Variants in COL28A1 observed in about 807,000 individuals in gnomAD.
COL28A1 encodes the protein collagen alpha-1(XXVIII) chain.
A neutral mutation model predicts 150.2 loss-of-function variants in COL28A1; 161 were observed. The ratio of observed to expected loss-of-function variants is 1.07; its 90% CI spans 0.94 to 1.22. COL28A1 has a LOEUF of 1.22. COL28A1 is among the 50% of genes most tolerant of loss of function. COL28A1 has a pLI of 0.00. For synonymous variants in COL28A1, 552 were observed against 469.7 expected (o/e 1.18, Z -2.26); for missense variants, 1,617 against 1,388.3 (o/e 1.16, Z -2.62).
intron 27 of COL28A1, among the ~76,000 whole-genome samples, chr7:7,401,077 C>G (rs1473456921): frequency 6.9e-6 from 1 of 145,922 alleles, no homozygotes; most frequent in Non-Finnish European, 1.5e-5. Context: ...ATCTAATGAT[C>G]ATGTTTCAGT....
chr7:7,443,239 T>C (rs17518633), intron 20 of COL28A1, among the ~76,000 whole-genome samples: 7,175 of 152,276 alleles, frequency 0.047, 216 homozygotes, highest in South Asian at 0.075. Context: ...TATTTCTTAT[T>C]GCATGAGATT....
intron 15 of COL28A1, among the ~76,000 whole-genome samples, chr7:7,462,733 C>A (rs1269284237): frequency 6.6e-6 from 1 of 152,054 alleles, no homozygotes; most frequent in Non-Finnish European, 1.5e-5. Context: ...GTGGCACATG[C>A]CTGTAATCCC....
intron 15 of COL28A1, among the ~76,000 whole-genome samples, chr7:7,463,181 A>G (rs1337032737): frequency 6.6e-6 from 1 of 152,196 alleles, no homozygotes; most frequent in Admixed American, 6.5e-5. Context: ...AAGCTCAAAG[A>G]ACACCTGGGA....
chr7:7,526,634 CT>C (rs554173744), intron 3 of COL28A1, among the ~76,000 whole-genome samples: 81 of 150,176 alleles, frequency 5.4e-4, no homozygotes, highest in Non-Finnish European at 6.8e-4. Context: ...TGAGCAATAT[CT>C]TTTTTTTTTC....
intron 15 of COL28A1, among the ~76,000 whole-genome samples, chr7:7,460,257 G>A (rs1443227059): frequency 6.6e-6 from 1 of 152,168 alleles, no homozygotes; most frequent in African/African-American, 2.4e-5. Context: ...GGTCCTTGCT[G>A]GAGGGCATCA....
At chr7:7,345,314 C>T in the COL28A1 span, among the ~76,000 whole-genome samples, 1 of 151,898 alleles carries the variant, frequency 6.6e-6, no homozygotes, top group Admixed American at 6.6e-5. Context: ...ATAATGGAAA[C>T]CTATTCAAGG....
chr7:7,481,580 C>T (rs935292970), intron 13 of COL28A1, among the ~76,000 whole-genome samples: 7 of 152,126 alleles, frequency 4.6e-5, no homozygotes, highest in Non-Finnish European at 1.0e-4. Flanking sequence ...TGGCTTCTAA[C>T]GAACACCTCT....
intron 8 of COL28A1, among the ~76,000 whole-genome samples, chr7:7,511,350 A>G (rs998307886): frequency 2.6e-5 from 4 of 152,208 alleles, no homozygotes; most frequent in African/African-American, 7.2e-5. Flanking sequence ...ACAGGAATAA[A>G]TCAGGAACAA....
Position 7,419,889 on chromosome 7 carries a change from G to A in COL28A1, c.2063C>T (p.Pro688Leu). The change falls in exon 26 of 35, where the codon CCA becomes CTA. Residue 688 changes from proline (P) to leucine (L), a missense_variant. Transcript: ENST00000399429. ...SGPRGVGTQG[P>L]KGDTGQKGLP... ...AGCACTGAGCTGAGGACTCACCTTT[G>A]GCCCTTGGGTTCCTACGCCCCGAGG... The A allele has an allele frequency of 6.3e-7, 1 of 1,596,382 alleles. No individual in the cohort carries two copies. The highest frequency in any genetic ancestry group is 8.5e-7 in the Non-Finnish European group (1 of 1,172,282).
chr7:7,456,078 A>G lies in COL28A1; in HGVS notation c.1337T>C (p.Met446Thr), dbSNP rs767117400. The G allele has an allele frequency of 4.3e-6, 7 of 1,613,842 alleles. No individual in the cohort carries two copies. Among genetic ancestry groups the G allele is most frequent in the South Asian group, 1.1e-5 (1 of 91,066 alleles). ...TTGACTCCCGATTCCAGGGATACCC[A>G]TTGGTCCTTGGGGTCCCACAGGTCC... ...DIGPVGPQGP[M>T]GIPGIGSQGE... Residue 446 changes from methionine (M) to threonine (T), a missense_variant, in exon 16 of 35, where the codon ATG (methionine) becomes ACG (threonine). Met to Thr is a moderately conservative substitution (Grantham distance 81). Transcript: ENST00000399429.
rs185687196 is a variant in COL28A1, at chr7:7,447,223, A to C, written c.1510-2734T>G. 3.3e-3 allele frequency among the ~76,000 whole-genome samples: 499 copies of C among 152,288 alleles called. 2 individuals carry two copies. The highest frequency in any genetic ancestry group is 5.6e-3 in the Non-Finnish European group (380 of 68,018). ...GTAACTAAAAAACATCCAAGAACAAAGCTCAAAATAGAGGAATACAAAAAT... is the reference window on the plus strand; with the variant it reads ...GTAACTAAAAAACATCCAAGAACAACGCTCAAAATAGAGGAATACAAAAAT... On this transcript the variant is annotated intron_variant, in intron 18 of 34. Transcript: ENST00000399429.
rs956350645 is a variant in COL28A1, at chr7:7,443,464, T to C, written c.1650+121A>G. On this transcript the variant is annotated intron_variant, in intron 20 of 34. Transcript: ENST00000399429. ...AAAGCTTCCAAGACAGTATTCATACTTTTAAGCCAGACATAAACACATTGA... is the reference window on the plus strand; with the variant it reads ...AAAGCTTCCAAGACAGTATTCATACCTTTAAGCCAGACATAAACACATTGA... The C allele has an allele frequency of 1.9e-5, 28 of 1,451,610 alleles. No homozygotes were observed. The African/African-American group carries it at 3.4e-4, about 18-fold the overall frequency. 89.9% of individuals were successfully genotyped at this position (1,451,610 alleles called of 1,614,324 possible).
At chr7:7,492,586 T>TAAA (rs869141497) in intron 11 of COL28A1, among the ~76,000 whole-genome samples, 1 of 94,686 alleles carries the variant, frequency 1.1e-5, no homozygotes, top group African/African-American at 4.4e-5. Context: ...CTCCGTCTGT[T>TAAA]AAAAAAAAAA....
chr7:7,424,063 T>A (rs1460905982), intron 25 of COL28A1, among the ~76,000 whole-genome samples: 1 of 151,068 alleles, frequency 6.6e-6, no homozygotes, highest in Admixed American at 6.6e-5. Flanking sequence ...ATCTAAATAA[T>A]CTTTTGTATC....
chr7:7,464,766 G>GA (rs948956213), intron 15 of COL28A1, among the ~76,000 whole-genome samples: 1 of 152,032 alleles, frequency 6.6e-6, no homozygotes, highest in Non-Finnish European at 1.5e-5. Flanking sequence ...AGAGAAACAA[G>GA]AACAAACCAA....
At chr7:7,431,580 G>A in intron 25 of COL28A1, 1 of 471,184 alleles carries the variant, frequency 2.1e-6, no homozygotes, top group Non-Finnish European at 4.4e-6. Context: ...TCGGCAGCCA[G>A]GGAGAAATGA....
intron 27 of COL28A1, among the ~76,000 whole-genome samples, chr7:7,400,687 TA>T (rs34102862): frequency 0.097 from 14,223 of 146,100 alleles, 746 homozygotes; most frequent in Middle Eastern, 0.14. Flanking sequence ...TCTCCCAGCT[TA>T]AAAAAAAAAA....
At chr7:7,354,821 G>T (rs1052808752), downstream of COL28A1, among the ~76,000 whole-genome samples, 1 of 152,146 alleles carries the variant, frequency 6.6e-6, no homozygotes, top group Non-Finnish European at 1.5e-5. Flanking sequence ...TAACCCAGCA[G>T]GTTTGGCTTT....
chr7:7,378,695 T>C (rs989603619), intron 30 of COL28A1, among the ~76,000 whole-genome samples: 7 of 152,136 alleles, frequency 4.6e-5, no homozygotes, highest in African/African-American at 1.7e-4. Context: ...CACCTCTAGC[T>C]ATAAGGGCTC....
Sources: allele counts gnomAD v4.1 joint callset (sites outside exome capture counted in the v4.1 genomes callset), GRCh38; gene constraint gnomAD v4.1.1; transcripts MANE v1.5; gene names NCBI Gene and HGNC (gene_info 2026-07-23, HGNC 2026-07-21).